Variants in PRKAA2 observed in about 807,000 individuals in gnomAD.
PRKAA2 encodes protein kinase AMP-activated catalytic subunit alpha 2, also known as 5'-AMP-activated protein kinase catalytic subunit alpha-2.
Under a neutral mutation model 56.3 loss-of-function variants are expected in PRKAA2, and 40 were observed. That is an observed-to-expected ratio of 0.71 (90% CI 0.55 to 0.92). PRKAA2 has a LOEUF of 0.92. Among genes scored for constraint, PRKAA2 ranks in the 40% least tolerant of loss-of-function variants. The probability of loss-of-function intolerance (pLI) is 0.00; values close to 1 mark genes in which losing one functional copy is unlikely to be tolerated. For synonymous variants in PRKAA2, 214 were observed against 234.2 expected, an observed-to-expected ratio of 0.91 and a Z score of 0.79; for missense variants, 542 against 686.9, an observed-to-expected ratio of 0.79 and a Z score of 2.36.
Position 56,707,950 on chromosome 1 carries a change from G to T in PRKAA2, c.*237G>T. ...ATTCACATAGGCAATATCTTTAATA[G>T]GTTAATATCAATGAAGATTTTTAAT... On this transcript the variant is annotated 3_prime_UTR_variant, in exon 9 of 9. Coordinates refer to ENST00000371244, the MANE Select transcript of PRKAA2 (RefSeq NM_006252.4). The T allele has an allele frequency of 1.9e-6, 1 of 529,000 alleles. No homozygotes were observed. Among genetic ancestry groups the T allele is most frequent in the Non-Finnish European group, 3.3e-6 (1 of 299,072 alleles). The allele number at this position is 529,000 out of a possible 1,614,324, so 32.8% of individuals were successfully genotyped here. A position where few individuals can be genotyped will look rare whatever the true frequency, so the allele number is the denominator to read the frequency against.
chr1:56,703,855 G>T, intron 6 of PRKAA2, 116 bp from the exon 7 acceptor site: 1 of 1,180,990 alleles, frequency 8.5e-7, no homozygotes, highest in Admixed American at 2.4e-5. Context: ...GTAAGTGGCA[G>T]AGCTAGGTCT....
rs1390209057 is a variant in PRKAA2 at position 56,713,642 on chromosome 1, G to A, written c.*5929G>A. On this transcript the variant is annotated 3_prime_UTR_variant, in exon 9 of 9. Coordinates refer to ENST00000371244, the MANE Select transcript of PRKAA2 (RefSeq NM_006252.4). ...ATACAGTGTGACCTTTTCTGAGGTGGGCAGGGAGGGTTGCTACGTTGTGTT... is the reference window on the plus strand; with the variant it reads ...ATACAGTGTGACCTTTTCTGAGGTGAGCAGGGAGGGTTGCTACGTTGTGTT... The A allele has an allele frequency of 2.6e-5, 4 of 151,898 alleles. No homozygotes were observed. Among genetic ancestry groups the A allele is most frequent in the Admixed American group, 6.6e-5 (1 of 15,230 alleles). The allele number at this position is 151,898 out of a possible 1,614,324, so 9.4% of individuals were successfully genotyped here.
intron 1 of PRKAA2, among the ~76,000 whole-genome samples, chr1:56,652,244 C>T (rs1032440938): frequency 6.6e-6 from 1 of 151,960 alleles, no homozygotes; most frequent in Admixed American, 6.6e-5. Context: ...ATCTCCTGAC[C>T]TCGTAATACG....
chr1:56,678,324 C>T (rs956396788), intron 2 of PRKAA2, among the ~76,000 whole-genome samples: 2 of 152,202 alleles, frequency 1.3e-5, no homozygotes, highest in African/African-American at 4.8e-5. Context: ...GAGAGAGCAA[C>T]CTTACCCTTT....
intron 1 of PRKAA2, among the ~76,000 whole-genome samples, chr1:56,665,864 G>A (rs1378604383): frequency 6.6e-6 from 1 of 152,112 alleles, no homozygotes; most frequent in Non-Finnish European, 1.5e-5. Flanking sequence ...TTTCCTGTGA[G>A]ACATATACCT....
Position 56,691,387 on chromosome 1 carries a change from A to G in PRKAA2, c.237-7A>G, listed in dbSNP as rs936458869. The G allele has an allele frequency of 1.2e-6, 2 of 1,602,820 alleles. No individual in the cohort carries two copies. The highest frequency in any genetic ancestry group is 2.7e-5 in the African/African-American group (2 of 74,640). On this transcript the variant is annotated splice_region_variant and splice_polypyrimidine_tract_variant and intron_variant, in intron 2 of 8. Transcript: ENST00000371244. Reference sequence around the variant, plus strand: ...ACTTTGTTAACTTTTTTTAATTAACAAAAAAGATACCAGGTGATCAGCACT... The same window carrying G: ...ACTTTGTTAACTTTTTTTAATTAACGAAAAAGATACCAGGTGATCAGCACT...
At chr1:56,693,158 G>T (rs1644239592) in intron 4 of PRKAA2, among the ~76,000 whole-genome samples, 4 of 152,168 alleles carry the variant, frequency 2.6e-5, no homozygotes, top group Admixed American at 2.6e-4. Context: ...CCTATTTGTG[G>T]TCTATACCTT....
At chr1:56,700,300 C>T (rs1218007877) in intron 6 of PRKAA2, among the ~76,000 whole-genome samples, 2 of 152,190 alleles carry the variant, frequency 1.3e-5, no homozygotes. Context: ...CCATCCTTTG[C>T]TAATGGGCTT....
chr1:56,662,848 A>C (rs978308120), intron 1 of PRKAA2, among the ~76,000 whole-genome samples: 2 of 152,150 alleles, frequency 1.3e-5, no homozygotes, highest in African/African-American at 4.8e-5. Flanking sequence ...TTGAAAATTC[A>C]TGCAAATTGC....
chr1:56,703,752 A>G (rs12023668), intron 6 of PRKAA2, among the ~76,000 whole-genome samples: 60,342 of 151,632 alleles, frequency 0.4, 12,549 homozygotes, highest in Middle Eastern at 0.52. Context: ...TGCTTTTTTC[A>G]TTTTTGAGAA....
At chr1:56,655,280 A>ATATATATATATATATTTTTTTTTT in intron 1 of PRKAA2, among the ~76,000 whole-genome samples, 1 of 93,680 alleles carries the variant, frequency 1.1e-5, no homozygotes, top group African/African-American at 4.5e-5. Context: ...ATATATATAT[A>ATATATATATATATATTTTTTTTTT]TTTTTTTTTT....
intron 1 of PRKAA2, among the ~76,000 whole-genome samples, chr1:56,653,986 TG>T (rs941143565): frequency 6.6e-6 from 1 of 152,068 alleles, no homozygotes; most frequent in Non-Finnish European, 1.5e-5. Flanking sequence ...GGGGAAAGTG[TG>T]GGCAGCAGAT....
At chr1:56,673,362 A>G (rs1644091224) in intron 1 of PRKAA2, among the ~76,000 whole-genome samples, 1 of 152,132 alleles carries the variant, frequency 6.6e-6, no homozygotes, top group Non-Finnish European at 1.5e-5. Flanking sequence ...TAACAAAACA[A>G]TACCCTGTCT....
intron 1 of PRKAA2, among the ~76,000 whole-genome samples, chr1:56,655,280 A>ATATATTTTTT: frequency 3.6e-4 from 34 of 93,660 alleles, no homozygotes; most frequent in South Asian, 1.1e-3. Context: ...ATATATATAT[A>ATATATTTTTT]TTTTTTTTTT....
chr1:56,688,660 T>G (rs1171744065), intron 2 of PRKAA2, among the ~76,000 whole-genome samples: 1 of 152,178 alleles, frequency 6.6e-6, no homozygotes, highest in South Asian at 2.1e-4. Context: ...GTAGTATGAC[T>G]CAGTGTTGTG....
chr1:56,691,556 C>T (rs1393083769), intron 3 of PRKAA2, 69 bp downstream of exon 3: 1 of 1,236,578 alleles, frequency 8.1e-7, no homozygotes, highest in Non-Finnish European at 1.1e-6. Context: ...GGACATAGAA[C>T]AATGCAAAGA....
intron 6 of PRKAA2, among the ~76,000 whole-genome samples, 171 bp from the exon 7 acceptor site, chr1:56,703,800 A>C (rs963958887): frequency 1.3e-5 from 2 of 152,226 alleles, no homozygotes; most frequent in Non-Finnish European, 2.9e-5. Flanking sequence ...AACCATAGTT[A>C]TTCAAGGGTG....
At chr1:56,694,877 A>G (rs1644248801) in intron 5 of PRKAA2, among the ~76,000 whole-genome samples, 1 of 152,186 alleles carries the variant, frequency 6.6e-6, no homozygotes, top group African/African-American at 2.4e-5. Flanking sequence ...TTTTTTATAT[A>G]AACAGATTAT....
chr1:56,648,207 A>G (rs1008731656), intron 1 of PRKAA2, among the ~76,000 whole-genome samples: 9 of 152,136 alleles, frequency 5.9e-5, no homozygotes, highest in Admixed American at 5.9e-4. Flanking sequence ...CTTTATACCC[A>G]TTCACAGTTA....
Sources: allele counts gnomAD v4.1 joint callset (sites outside exome capture counted in the v4.1 genomes callset), GRCh38; gene constraint gnomAD v4.1.1; transcripts MANE v1.5; gene names NCBI Gene and HGNC (gene_info 2026-07-23, HGNC 2026-07-21).